The following ARB2A variants were observed in gnomAD, a reference collection of about 807,000 sequenced individuals.
ARB2A encodes ARB2 cotranscriptional regulator A, also known as cotranscriptional regulator ARB2A.
chr5:93,972,545 A>T, the ARB2A span, among the ~76,000 whole-genome samples: 1 of 152,274 alleles, frequency 6.6e-6, no homozygotes, highest in East Asian at 1.9e-4. Flanking sequence ...CAATAGAAAA[A>T]GCCAGAGTGT....
the ARB2A span, among the ~76,000 whole-genome samples, chr5:93,898,157 T>C: frequency 6.6e-6 from 1 of 152,082 alleles, no homozygotes; most frequent in Non-Finnish European, 1.5e-5. Context: ...AAATGAGACA[T>C]ACGATTTCTT....
the ARB2A span, among the ~76,000 whole-genome samples, chr5:93,883,359 A>G: frequency 9.2e-4 from 139 of 151,756 alleles, no homozygotes; most frequent in African/African-American, 3.3e-3. Context: ...AAAGCTTATA[A>G]AACACTTTAC....
the ARB2A span, among the ~76,000 whole-genome samples, chr5:93,717,369 G>C: frequency 6.6e-6 from 1 of 151,684 alleles, no homozygotes; most frequent in African/African-American, 2.4e-5. Flanking sequence ...TCAGCGCTGT[G>C]GAACTGTGTG....
the ARB2A span, among the ~76,000 whole-genome samples, chr5:94,048,478 G>A: frequency 2.1e-4 from 32 of 152,244 alleles, no homozygotes; most frequent in South Asian, 6.2e-3. Context: ...ACATTGCATA[G>A]AAGCTAGCAA....
At chr5:93,820,972 A>C in the ARB2A span, among the ~76,000 whole-genome samples, 1 of 152,160 alleles carries the variant, frequency 6.6e-6, no homozygotes, top group Non-Finnish European at 1.5e-5. Context: ...GGTTAGATCT[A>C]ATCAAGTTCT....
At chr5:93,848,986 C>G in the ARB2A span, among the ~76,000 whole-genome samples, 3 of 152,214 alleles carry the variant, frequency 2.0e-5, no homozygotes, top group East Asian at 3.8e-4. Flanking sequence ...CACCCTGCCT[C>G]TGTCAGATTA....
the ARB2A span, among the ~76,000 whole-genome samples, chr5:93,821,626 A>T: frequency 1.2e-3 from 177 of 151,412 alleles, no homozygotes; most frequent in African/African-American, 4.1e-3. Context: ...ACTGAATAAC[A>T]TTTTTTTTCA....
At chr5:93,670,609 A>G in the ARB2A span, among the ~76,000 whole-genome samples, 1 of 152,266 alleles carries the variant, frequency 6.6e-6, no homozygotes, top group African/African-American at 2.4e-5. Flanking sequence ...AAAACAGCAG[A>G]TTAAATTCCC....
chr5:93,911,666 A>C, the ARB2A span, among the ~76,000 whole-genome samples: 1 of 151,574 alleles, frequency 6.6e-6, no homozygotes, highest in Non-Finnish European at 1.5e-5. Flanking sequence ...ACACACAAAC[A>C]CATTTCATAG....
At chr5:93,769,228 A>G in the ARB2A span, among the ~76,000 whole-genome samples, 2 of 152,218 alleles carry the variant, frequency 1.3e-5, no homozygotes. Context: ...AAAAGATCAA[A>G]GCACATTATA....
the ARB2A span, among the ~76,000 whole-genome samples, chr5:94,054,198 C>G: frequency 6.6e-5 from 10 of 152,298 alleles, no homozygotes; most frequent in East Asian, 1.9e-3. Context: ...AATGAAGACA[C>G]CAATATTGGT....
the ARB2A span, among the ~76,000 whole-genome samples, chr5:93,725,944 T>C: frequency 6.6e-6 from 1 of 151,998 alleles, no homozygotes; most frequent in African/African-American, 2.4e-5. Context: ...CTGAATGAAA[T>C]GAACAGTACT....
the ARB2A span, among the ~76,000 whole-genome samples, chr5:93,732,308 T>C: frequency 6.6e-6 from 1 of 152,234 alleles, no homozygotes; most frequent in East Asian, 1.9e-4. Context: ...TTTATATTCA[T>C]TTGGTTTCTT....
At chr5:93,627,352 T>C in the ARB2A span, among the ~76,000 whole-genome samples, 1 of 152,138 alleles carries the variant, frequency 6.6e-6, no homozygotes, top group African/African-American at 2.4e-5. Flanking sequence ...GAATGGTGAA[T>C]CTTTTCCAGA....
At chr5:93,877,626 A>G in the ARB2A span, among the ~76,000 whole-genome samples, 1 of 152,164 alleles carries the variant, frequency 6.6e-6, no homozygotes, top group Non-Finnish European at 1.5e-5. Context: ...TGGTAATATT[A>G]ATTAAATTAT....
chr5:93,861,780 A>T, the ARB2A span: 1 of 152,236 alleles, frequency 6.6e-6, no homozygotes, highest in Admixed American at 6.5e-5. Context: ...AGTCACATAC[A>T]TGATCTCACC....
the ARB2A span, among the ~76,000 whole-genome samples, chr5:93,942,860 T>G: frequency 2.0e-5 from 3 of 152,254 alleles, no homozygotes; most frequent in South Asian, 6.2e-4. Context: ...TGTACATGTG[T>G]AAGTGTACTT....
the ARB2A span, among the ~76,000 whole-genome samples, chr5:94,075,273 TAATTAAAA>T: frequency 6.6e-6 from 1 of 152,020 alleles, no homozygotes; most frequent in African/African-American, 2.4e-5. Flanking sequence ...TCCTATAGTG[TAATTAAAA>T]ATACAACTTT....
the ARB2A span, among the ~76,000 whole-genome samples, chr5:93,967,783 G>A: frequency 5.9e-5 from 9 of 152,160 alleles, no homozygotes; most frequent in East Asian, 1.7e-3. Flanking sequence ...TATTTTACCA[G>A]AACCTAGCTG....
Sources: allele counts gnomAD v4.1 joint callset (sites outside exome capture counted in the v4.1 genomes callset), GRCh38; gene constraint gnomAD v4.1.1; transcripts MANE v1.5; gene names NCBI Gene and HGNC (gene_info 2026-07-23, HGNC 2026-07-21).